RPS6KB1: variants seen among roughly 807,000 people sequenced by gnomAD.
RPS6KB1 encodes ribosomal protein S6 kinase B1, also known as ribosomal protein S6 kinase beta-1.
A neutral mutation model predicts 70.2 loss-of-function variants in RPS6KB1; 12 were observed. The ratio of observed to expected loss-of-function variants is 0.17; its 90% CI spans 0.11 to 0.28. The LOEUF is 0.28. Among genes scored for constraint, RPS6KB1 ranks in the 10% least tolerant of loss-of-function variants. The probability of loss-of-function intolerance (pLI) is 1.00; values close to 1 mark genes in which losing one functional copy is unlikely to be tolerated. For missense variants in RPS6KB1, 270 were observed against 646.6 expected (o/e 0.42, Z 6.32); for synonymous variants, 175 against 211.2 (o/e 0.83, Z 1.49).
At chr17:59,931,449 C>A (rs1456565271) in intron 6 of RPS6KB1, 173 bp from the exon 7 acceptor site, 1 of 590,410 alleles carries the variant, frequency 1.7e-6, no homozygotes, top group African/African-American at 1.9e-5. Flanking sequence ...ACATAAATGT[C>A]CCCATGCCTT....
chr17:59,941,806 G>A (rs1201113908), intron 13 of RPS6KB1, among the ~76,000 whole-genome samples: 3 of 141,566 alleles, frequency 2.1e-5, no homozygotes, highest in African/African-American at 7.9e-5. Context: ...GTTAATTTTT[G>A]TATTTTTAGT....
At chr17:59,943,208 G>A (rs776699639) in intron 13 of RPS6KB1, among the ~76,000 whole-genome samples, 5 of 152,056 alleles carry the variant, frequency 3.3e-5, no homozygotes, top group South Asian at 2.1e-4. Flanking sequence ...TCAAAGTTAC[G>A]GCATCTCTGT....
chr17:59,931,843 A>C, intron 7 of RPS6KB1, 121 bp downstream of exon 7: 1 of 642,022 alleles, frequency 1.6e-6, no homozygotes, highest in Non-Finnish European at 2.7e-6. Flanking sequence ...CCTCCCTCAG[A>C]ATTCATGGCA....
chr17:59,931,853 A>G, intron 7 of RPS6KB1, 131 bp downstream of exon 7: 1 of 619,506 alleles, frequency 1.6e-6, no homozygotes, highest in Non-Finnish European at 2.9e-6. Flanking sequence ...AATTCATGGC[A>G]TCATAGTACT....
At chr17:59,914,329 A>G (rs187452125) in intron 3 of RPS6KB1, among the ~76,000 whole-genome samples, 5 of 152,330 alleles carry the variant, frequency 3.3e-5, no homozygotes, top group Non-Finnish European at 5.9e-5. Flanking sequence ...ATATTTTATA[A>G]TTTTTAAGGT....
intron 2 of RPS6KB1, 77 bp downstream of exon 2, chr17:59,910,688 CAT>C (rs892613498): frequency 2.5e-5 from 22 of 887,966 alleles, no homozygotes; most frequent in African/African-American, 8.5e-5. Flanking sequence ...TCGTAGCAAT[CAT>C]GTGATTCCTG....
At chr17:59,913,663 A>T (rs2042777736) in intron 3 of RPS6KB1, 1 of 152,146 alleles carries the variant, frequency 6.6e-6, no homozygotes, top group African/African-American at 2.4e-5. Flanking sequence ...ATTTGCATAT[A>T]AGCTACACAC....
chr17:59,911,915 A>G (rs1371580403), intron 2 of RPS6KB1, among the ~76,000 whole-genome samples: 2 of 152,106 alleles, frequency 1.3e-5, no homozygotes, highest in Admixed American at 6.6e-5. Context: ...AATCAAGCTA[A>G]TAACTTGAAA....
intron 1 of RPS6KB1, among the ~76,000 whole-genome samples, chr17:59,910,091 G>A (rs1391402702): frequency 6.6e-6 from 1 of 151,680 alleles, no homozygotes; most frequent in African/African-American, 2.4e-5. Context: ...GGAGGCTGAG[G>A]TAGGAGAAAC....
chr17:59,906,636 A>T (rs1045495780), intron 1 of RPS6KB1, among the ~76,000 whole-genome samples: 9 of 151,832 alleles, frequency 5.9e-5, no homozygotes, highest in African/African-American at 2.2e-4. Context: ...TGCTAGAATT[A>T]CAGGTGTGAG....
At chr17:59,914,148 C>A (rs2042809185) in intron 3 of RPS6KB1, among the ~76,000 whole-genome samples, 1 of 152,102 alleles carries the variant, frequency 6.6e-6, no homozygotes, top group Non-Finnish European at 1.5e-5. Context: ...AATAGGTAAA[C>A]AGTAATTTCC....
intron 1 of RPS6KB1, among the ~76,000 whole-genome samples, chr17:59,894,687 C>T (rs377701155): frequency 6.6e-6 from 1 of 152,210 alleles, no homozygotes; most frequent in African/African-American, 2.4e-5. Flanking sequence ...TCACTGCAAT[C>T]TCAGCCTCCT....
chr17:59,919,895 C>G (rs1045753938), intron 4 of RPS6KB1, among the ~76,000 whole-genome samples: 1 of 152,044 alleles, frequency 6.6e-6, no homozygotes, highest in African/African-American at 2.4e-5. Flanking sequence ...TAGATAGATT[C>G]AACTTCTTTT....
In RPS6KB1 at chr17:59,932,637, C is replaced by T. The variant is rs182733230; in HGVS notation, c.688+915C>T. On this transcript the variant is annotated intron_variant, in intron 7 of 14. Transcript: ENST00000225577. ...CATGATTACAGCTCACTGCAACCTC[C>T]GCCTCCCAGGCTCAAGTGATCCTTC... Among the ~76,000 whole-genome samples the T allele has an allele frequency of 5.3e-3, 797 of 151,092 alleles. 5 individuals carry two copies. The highest frequency in any genetic ancestry group is 0.018 in the African/African-American group (754 of 41,138).
In RPS6KB1 at chr17:59,947,351, A is replaced by T; in HGVS notation, c.*563A>T. The T allele has an allele frequency of 8.6e-7, 1 of 1,163,644 alleles. No individual in the cohort carries two copies. Among genetic ancestry groups the T allele is most frequent in the Non-Finnish European group, 1.1e-6 (1 of 931,878 alleles). The allele number at this position is 1,163,644 out of a possible 1,614,324, so 72.1% of individuals were successfully genotyped here. A position where few individuals can be genotyped will look rare whatever the true frequency, so the allele number is the denominator to read the frequency against. On this transcript the variant is annotated 3_prime_UTR_variant, in exon 15 of 15. Transcript: ENST00000225577. ...TAGATTTTTGATTCAGCTCATTATG[A>T]AAAACATCCCAAACTTTAAAATGCG...
chr17:59,903,595 G>GT (rs1316000947), intron 1 of RPS6KB1, among the ~76,000 whole-genome samples: 12 of 152,162 alleles, frequency 7.9e-5, no homozygotes, highest in Admixed American at 5.2e-4. Flanking sequence ...TCATGCAGTA[G>GT]TAAGTCTATG....
chr17:59,909,510 C>T (rs1476501417), intron 1 of RPS6KB1, among the ~76,000 whole-genome samples: 7 of 151,092 alleles, frequency 4.6e-5, no homozygotes, highest in Non-Finnish European at 1.0e-4. Flanking sequence ...TCGTGATCTG[C>T]CCGCATCGGC....
intron 4 of RPS6KB1, among the ~76,000 whole-genome samples, chr17:59,920,977 C>T (rs867486893): frequency 3.3e-5 from 5 of 152,220 alleles, no homozygotes; most frequent in African/African-American, 4.8e-5. Context: ...GAATTATGGG[C>T]GTGAGCCACT....
chr17:59,945,092 G>A (rs1325157094), intron 13 of RPS6KB1: 4 of 186,682 alleles, frequency 2.1e-5, no homozygotes, highest in Admixed American at 1.7e-4. Context: ...GTGAGCCCCC[G>A]TGCCTGGGCG....
Sources: gnomAD v4.1 joint callset for allele counts (sites outside exome capture counted in the v4.1 genomes callset) on GRCh38, gnomAD v4.1.1 for gene constraint, MANE v1.5 for transcripts, NCBI Gene and HGNC (gene_info 2026-07-23, HGNC 2026-07-21) for gene names.